The following MTX2 variants were observed in gnomAD, a reference collection of about 807,000 sequenced individuals.
MTX2 encodes the protein metaxin-2.
Under a neutral mutation model 42.3 loss-of-function variants are expected in MTX2, and 35 were observed. That is an observed-to-expected ratio of 0.83 (90% CI 0.63 to 1.10). The LOEUF is 1.10. MTX2 is among the 50% of genes least tolerant of loss of function. The pLI is 0.00. For synonymous variants in MTX2, 119 were observed against 100.9 expected, an observed-to-expected ratio of 1.18 and a Z score of -1.08; for missense variants, 307 against 304.1, an observed-to-expected ratio of 1.01 and a Z score of -0.07.
intron 1 of MTX2, among the ~76,000 whole-genome samples, chr2:176,272,690 C>A (rs1174972688): frequency 6.6e-6 from 1 of 151,936 alleles, no homozygotes; most frequent in Admixed American, 6.6e-5. Flanking sequence ...TGTATGAACT[C>A]ATGAAATCTA....
chr2:176,272,615 G>C (rs1337123650), intron 1 of MTX2, among the ~76,000 whole-genome samples: 1 of 152,068 alleles, frequency 6.6e-6, no homozygotes, highest in African/African-American at 2.4e-5. Context: ...AAGTATATCT[G>C]TTAAATACGT....
chr2:176,271,562 C>G (rs1302415180), intron 1 of MTX2, among the ~76,000 whole-genome samples: 1 of 152,064 alleles, frequency 6.6e-6, no homozygotes, highest in Non-Finnish European at 1.5e-5. Context: ...TTCTCTGTCC[C>G]TAATAATGTA....
intron 3 of MTX2, among the ~76,000 whole-genome samples, chr2:176,311,315 G>A (rs773834368): frequency 5.3e-5 from 8 of 152,088 alleles, no homozygotes; most frequent in Non-Finnish European, 8.8e-5. Context: ...GGTGTCTTTC[G>A]GCCCTTACTG....
chr2:176,293,789 A>G (rs897850057), intron 1 of MTX2, among the ~76,000 whole-genome samples: 4 of 152,188 alleles, frequency 2.6e-5, no homozygotes, highest in Middle Eastern at 3.2e-3. Context: ...AACAGTGCCA[A>G]CAGCCTAACA....
At chr2:176,326,971 AT>A (rs1402812331) in intron 5 of MTX2, 70 bp downstream of exon 5, 2 of 845,302 alleles carry the variant, frequency 2.4e-6, no homozygotes, top group African/African-American at 3.6e-5. Context: ...GTGTCTTAAC[AT>A]TTACATTGAT....
intron 3 of MTX2, among the ~76,000 whole-genome samples, chr2:176,303,964 G>C (rs72925104): frequency 0.21 from 31,619 of 151,866 alleles, 4,092 homozygotes; most frequent in Admixed American, 0.28. Context: ...GGATTTTATA[G>C]TTTGTTGCTA....
chr2:176,297,808 T>C lies in MTX2; in HGVS notation c.89-41T>C, dbSNP rs1353081676. 4 of 1,386,186 alleles carry C rather than the reference T, an allele frequency of 2.9e-6. No individual in the cohort carries two copies. The South Asian group carries it at 6.0e-5, about 21-fold the overall frequency. The allele number at this position is 1,386,186 out of a possible 1,614,324, so 85.9% of individuals were successfully genotyped here. A position where few individuals can be genotyped will look rare whatever the true frequency, so the allele number is the denominator to read the frequency against. On this transcript the variant is annotated intron_variant, in intron 2 of 9. Coordinates refer to ENST00000249442, the MANE Select transcript of MTX2 (RefSeq NM_006554.5). ...ACTTTTTAAAAATAAAAATACTATA[T>C]TCTACTTGGTTAACATTTATGCTTC...
chr2:176,306,683 G>C (rs369550118), intron 3 of MTX2, among the ~76,000 whole-genome samples: 1 of 152,028 alleles, frequency 6.6e-6, no homozygotes, highest in Non-Finnish European at 1.5e-5. Flanking sequence ...TTTTTTTCAC[G>C]TGTCTATTGG....
chr2:176,294,555 G>A (rs1227763759), intron 1 of MTX2, among the ~76,000 whole-genome samples: 2 of 152,176 alleles, frequency 1.3e-5, no homozygotes, highest in African/African-American at 4.8e-5. Context: ...GATTACAGGC[G>A]TGAGCCATGG....
intron 1 of MTX2, among the ~76,000 whole-genome samples, chr2:176,287,355 G>C (rs1333494288): frequency 6.6e-6 from 1 of 152,152 alleles, no homozygotes; most frequent in African/African-American, 2.4e-5. Flanking sequence ...TATATACACT[G>C]AGTATCCCCA....
chr2:176,325,485 C>T (rs550276177), intron 4 of MTX2, among the ~76,000 whole-genome samples: 64 of 151,680 alleles, frequency 4.2e-4, no homozygotes, highest in Non-Finnish European at 8.3e-4. Context: ...ATCCACACTT[C>T]TTTTTGCTTC....
In MTX2 at chr2:176,307,105, C is replaced by G. The variant is rs1368719818; in HGVS notation, c.135+9210C>G. 2.0e-5 allele frequency among the ~76,000 whole-genome samples: 3 copies of G among 152,140 alleles called. No homozygotes were observed. The East Asian group carries it at 5.8e-4, about 29-fold the overall frequency. Reference sequence around the variant, plus strand: ...CTGTATAAGGTGTAAGGAAGGGATCCAGTTTCAGCTTTCTACATATGGCTA... The same window carrying G: ...CTGTATAAGGTGTAAGGAAGGGATCGAGTTTCAGCTTTCTACATATGGCTA... On this transcript the variant is annotated intron_variant, in intron 3 of 9. Coordinates refer to ENST00000249442, the MANE Select transcript of MTX2 (RefSeq NM_006554.5).
intron 3 of MTX2, among the ~76,000 whole-genome samples, chr2:176,317,595 A>G (rs1232824257): frequency 1.3e-5 from 2 of 152,064 alleles, no homozygotes; most frequent in Admixed American, 1.3e-4. Context: ...TTTGTTTGTC[A>G]CTATTCCTAG....
In MTX2 at chr2:176,328,922, T is replaced by C; in HGVS notation, c.417+10T>C. 6.3e-7 allele frequency: 1 copy of C among 1,599,272 alleles called. No individual in the cohort carries two copies. The highest frequency in any genetic ancestry group is 8.6e-7 in the Non-Finnish European group (1 of 1,168,858). ...AGCTACAGTAGGGGAGGTGAGTGGT[T>C]CTGTAACATTTATCTTAATTAAAAT... On this transcript the variant is annotated intron_variant, in intron 7 of 9. Coordinates refer to ENST00000249442, the MANE Select transcript of MTX2 (RefSeq NM_006554.5).
chr2:176,324,105 A>G (rs1684648025), intron 4 of MTX2, among the ~76,000 whole-genome samples: 1 of 151,640 alleles, frequency 6.6e-6, no homozygotes, highest in Non-Finnish European at 1.5e-5. Context: ...TAAATGTTAT[A>G]TATAATTATC....
chr2:176,270,336 G>A (rs953610236), intron 1 of MTX2: 2 of 1,352,696 alleles, frequency 1.5e-6, no homozygotes, highest in Admixed American at 4.0e-5. Flanking sequence ...ACGCCCGCGC[G>A]GATTCATGGA....
intron 9 of MTX2, among the ~76,000 whole-genome samples, chr2:176,331,533 A>T (rs541156956): frequency 3.8e-4 from 58 of 151,316 alleles, no homozygotes; most frequent in African/African-American, 1.3e-3. Context: ...TAATATTTGT[A>T]GTAAAAATGG....
At chr2:176,313,981 G>C (rs1558938407) in intron 3 of MTX2, among the ~76,000 whole-genome samples, 1 of 151,998 alleles carries the variant, frequency 6.6e-6, no homozygotes, top group East Asian at 1.9e-4. Flanking sequence ...AGCCACCAAG[G>C]CTGACTATTT....
rs73036847 is a variant in MTX2, at chr2:176,291,471, C to T, written c.41-5389C>T. ...AGACGTGAATGCTGGATTGATGGTG[C>T]GTATTTTCTCATGGAGAAGATAAAC... On this transcript the variant is annotated intron_variant, in intron 1 of 9. Transcript: ENST00000249442. Among the ~76,000 whole-genome samples the T allele has an allele frequency of 7.0e-3, 1,061 of 152,140 alleles. 12 individuals are homozygous for T. The highest frequency in any genetic ancestry group is 0.025 in the African/African-American group (1,022 of 41,500).
Sources: gnomAD v4.1 joint callset for allele counts (sites outside exome capture counted in the v4.1 genomes callset) on GRCh38, gnomAD v4.1.1 for gene constraint, MANE v1.5 for transcripts, NCBI Gene and HGNC (gene_info 2026-07-23, HGNC 2026-07-21) for gene names.